MKLN1: variants seen among roughly 807,000 people sequenced by gnomAD.
MKLN1 encodes muskelin.
Under a neutral mutation model 99.0 loss-of-function variants are expected in MKLN1, and 18 were observed. That is an observed-to-expected ratio of 0.18 (90% CI 0.13 to 0.27). The LOEUF (loss-of-function observed/expected upper bound fraction) is 0.27, where lower values mean the gene tolerates loss of function less well. MKLN1 is among the 10% of genes least tolerant of loss of function. The pLI is 1.00. For missense variants in MKLN1, 621 were observed against 875.9 expected, an observed-to-expected ratio of 0.71 and a Z score of 3.67; for synonymous variants, 288 against 293.2, an observed-to-expected ratio of 0.98 and a Z score of 0.18.
chr7:131,121,235 C>T (rs373591864), intron 1 of MKLN1, among the ~76,000 whole-genome samples: 1 of 152,100 alleles, frequency 6.6e-6, no homozygotes, highest in Non-Finnish European at 1.5e-5. Context: ...GGGGGAAATC[C>T]GCCTCCATGA....
chr7:131,469,284 A>C (rs1562882121), intron 15 of MKLN1, among the ~76,000 whole-genome samples: 1 of 152,158 alleles, frequency 6.6e-6, no homozygotes, highest in Non-Finnish European at 1.5e-5. Flanking sequence ...GCTTCTGTTT[A>C]CTGCCTTCTC....
Position 131,476,703 on chromosome 7 carries a change from TTTG to T in MKLN1, c.2032-1909_2032-1907del, listed in dbSNP as rs201633129. 1.1e-3 allele frequency among the ~76,000 whole-genome samples: 170 copies of T among 152,356 alleles called. 5 individuals carry two copies. The East Asian group carries it at 0.029, about 26-fold the overall frequency. ...ATTTTAATGCAGTGTAAGTTTGGTC[TTTG>T]TTGTTGTTGTCATTGAGGAAATAGA... On this transcript the variant is annotated intron_variant, in intron 16 of 17. Transcript: ENST00000352689.
At chr7:131,119,105 A>G (rs1027640377) in intron 1 of MKLN1, among the ~76,000 whole-genome samples, 3 of 152,242 alleles carry the variant, frequency 2.0e-5, no homozygotes, top group Non-Finnish European at 2.9e-5. Flanking sequence ...TGAGCCTGTA[A>G]AATCAAAAAC....
intron 1 of MKLN1, among the ~76,000 whole-genome samples, chr7:131,371,442 A>T (rs529924701): frequency 1.3e-5 from 2 of 152,108 alleles, no homozygotes; most frequent in African/African-American, 4.8e-5. Flanking sequence ...ATCTCACTTA[A>T]TGTTGCGGAT....
In MKLN1 at chr7:131,180,762, A is replaced by G. The variant is rs558912276; in HGVS notation, c.-296-22095A>G. Among the ~76,000 whole-genome samples the G allele has an allele frequency of 2.0e-4, 31 of 152,072 alleles. No homozygotes were observed. In the South Asian group the frequency reaches 6.4e-3, roughly 32 times the overall value. ...CTTTTACTCAATGTCATTCTAATTT[A>G]TTTCTTTCTTAAAATTATTATTTTA... On this transcript the variant is annotated intron_variant, in intron 2 of 7. Transcript: ENST00000416992.
intron 1 of MKLN1, among the ~76,000 whole-genome samples, chr7:131,363,601 T>G (rs1306917332): frequency 6.6e-6 from 1 of 152,074 alleles, no homozygotes; most frequent in Non-Finnish European, 1.5e-5. Context: ...CTTTACTTAG[T>G]TCTCAGATTT....
intron 2 of MKLN1, among the ~76,000 whole-genome samples, chr7:131,149,983 A>C (rs1449013522): frequency 1.3e-5 from 2 of 152,178 alleles, no homozygotes. Flanking sequence ...TGAAGAACAG[A>C]CTTCCCTCTT....
chr7:131,400,518 A>AAAATATATATATAT (rs527702723), intron 6 of MKLN1, among the ~76,000 whole-genome samples: 4 of 137,434 alleles, frequency 2.9e-5, no homozygotes, highest in African/African-American at 1.1e-4. Context: ...ATAAAAAAAA[A>AAAATATATATATAT]ATATATATAT....
chr7:131,275,552 TATATATATATATA>T (rs1797951656), intron 3 of MKLN1, among the ~76,000 whole-genome samples: 1 of 23,074 alleles, frequency 4.3e-5, no homozygotes, highest in Admixed American at 4.3e-4. Flanking sequence ...TATATATATA[TATATATATATATA>T]TATTTTTTTT....
chr7:131,268,275 T>A (rs1179520451), intron 3 of MKLN1, among the ~76,000 whole-genome samples: 1 of 152,202 alleles, frequency 6.6e-6, no homozygotes, highest in Non-Finnish European at 1.5e-5. Context: ...ATGCCTTCTT[T>A]TGTCTAGATC....
intron 3 of MKLN1, among the ~76,000 whole-genome samples, chr7:131,319,878 G>A (rs570581368): frequency 5.9e-5 from 9 of 152,134 alleles, no homozygotes; most frequent in African/African-American, 1.7e-4. Context: ...TTCAAGGGAC[G>A]TGAAGGATCT....
At chr7:131,237,594 G>A (rs528533184) in intron 3 of MKLN1, among the ~76,000 whole-genome samples, 2 of 152,098 alleles carry the variant, frequency 1.3e-5, no homozygotes, top group African/African-American at 2.4e-5. Flanking sequence ...CTGTATAATC[G>A]AAGTATGCAG....
intron 2 of MKLN1, among the ~76,000 whole-genome samples, chr7:131,383,171 C>T (rs915612195): frequency 6.6e-6 from 1 of 152,130 alleles, no homozygotes; most frequent in Admixed American, 6.5e-5. Context: ...CTCTACTTGT[C>T]CTAGAACAGA....
At chr7:131,381,183 A>T (rs1793836444) in intron 2 of MKLN1, among the ~76,000 whole-genome samples, 1 of 152,222 alleles carries the variant, frequency 6.6e-6, no homozygotes. Context: ...CTTTGGAAGA[A>T]GCTTATAATT....
At chr7:131,215,886 G>A (rs1310362077) in intron 3 of MKLN1, among the ~76,000 whole-genome samples, 2 of 152,052 alleles carry the variant, frequency 1.3e-5, no homozygotes, top group African/African-American at 4.8e-5. Flanking sequence ...TAACAAGCCA[G>A]TTTGTTTGGG....
At position 131,327,886 on chromosome 7, in the gene MKLN1, A is replaced by G. The variant is rs745985987; in HGVS notation, c.-14A>G. On this transcript the variant is annotated 5_prime_UTR_variant, in exon 1 of 18. Transcript: ENST00000352689. ...CTGCCAGCGGTCGGTGGCGGCCGCT[A>G]CGGTGCTGACAAGATGGCGGCTGGC... 4 of 1,610,478 alleles carry G rather than the reference A, an allele frequency of 2.5e-6. No homozygotes were observed. Among genetic ancestry groups the G allele is most frequent in the East Asian group, 2.2e-5 (1 of 44,792 alleles).
chr7:131,271,357 G>A (rs1274556379), intron 3 of MKLN1, among the ~76,000 whole-genome samples: 1 of 152,326 alleles, frequency 6.6e-6, no homozygotes, highest in South Asian at 2.1e-4. Context: ...GGTGGCTCAT[G>A]CCTGTAATCC....
Position 131,286,669 on chromosome 7 carries a change from T to G in MKLN1, c.-179+83695T>G, listed in dbSNP as rs555140929. ...CTGTTTAAAGTACTGTGCTAAGATT[T>G]TTATGGGCTACAAAGATGTACAAGA... On this transcript the variant is annotated intron_variant, in intron 3 of 7. Coordinates refer to the MKLN1 transcript ENST00000416992. Among the ~76,000 whole-genome samples, 14 of 152,362 alleles carry G rather than the reference T, an allele frequency of 9.2e-5. No homozygotes were observed. The South Asian group carries it at 2.9e-3, about 32-fold the overall frequency.
At chr7:131,111,207 G>T (rs1795192493) in intron 1 of MKLN1, among the ~76,000 whole-genome samples, 1 of 152,192 alleles carries the variant, frequency 6.6e-6, no homozygotes, top group African/African-American at 2.4e-5. Context: ...TGTCTCAAAA[G>T]CACATGCTGT....
Sources: gnomAD v4.1 joint callset for allele counts (sites outside exome capture counted in the v4.1 genomes callset) on GRCh38, gnomAD v4.1.1 for gene constraint, MANE v1.5 for transcripts, NCBI Gene and HGNC (gene_info 2026-07-23, HGNC 2026-07-21) for gene names.